The following CAMTA1 variants were observed in gnomAD, a reference collection of about 807,000 sequenced individuals.
CAMTA1 encodes calmodulin-binding transcription activator 1.
In CAMTA1, 27 loss-of-function variants were observed where a neutral mutation model predicts 170.9. The observed-to-expected ratio is 0.16, with a 90% confidence interval of 0.12 to 0.22. The LOEUF is 0.22. Ranked by LOEUF, CAMTA1 falls within the 10% of genes least tolerant of loss-of-function variation. The probability of loss-of-function intolerance (pLI) is 1.00; values close to 1 mark genes in which losing one functional copy is unlikely to be tolerated. For missense variants in CAMTA1, 1,619 were observed against 2,217.2 expected (o/e 0.73, Z 5.42); for synonymous variants, 833 against 891.5 (o/e 0.93, Z 1.17).
rs535227897 is a variant in CAMTA1 at position 7,673,232 on chromosome 1, C to T, written c.2779+2195C>T. Reference sequence around the variant, plus strand: ...AGAAAGGCTGGGCTTTGTGTGGCCCCGGGGCTGGAGTCAGCCACACTCGGG... The same window carrying T: ...AGAAAGGCTGGGCTTTGTGTGGCCCTGGGGCTGGAGTCAGCCACACTCGGG... On this transcript the variant is annotated intron_variant, in intron 10 of 22. Transcript: ENST00000303635. The surrounding 1 kb of genome is among the most constrained non-coding windows in gnomAD (Gnocchi z 4.6). Among the ~76,000 whole-genome samples the T allele has an allele frequency of 4.6e-5, 7 of 152,318 alleles. No individual in the cohort carries two copies. In the South Asian group the frequency reaches 1.0e-3, roughly 23 times the overall value.
At chr1:6,830,322 G>C (rs1649331081) in intron 3 of CAMTA1, among the ~76,000 whole-genome samples, 1 of 150,536 alleles carries the variant, frequency 6.6e-6, no homozygotes, top group African/African-American at 2.4e-5. Context: ...AGGATTACAG[G>C]GGTGAGCCAC....
At chr1:7,416,901 T>C (rs2091215424) in intron 5 of CAMTA1, among the ~76,000 whole-genome samples, 1 of 152,234 alleles carries the variant, frequency 6.6e-6, no homozygotes, top group Non-Finnish European at 1.5e-5. Flanking sequence ...TATCTACTTT[T>C]GGTCTTTGAT....
intron 22 of CAMTA1, among the ~76,000 whole-genome samples, chr1:7,758,935 A>AG (rs2096954065): frequency 7.5e-4 from 1 of 1,340 alleles, no homozygotes; most frequent in Admixed American, 9.1e-3. Context: ...ACTCTGTCTC[A>AG]AAAAAAAAAA....
chr1:7,128,504 G>T (rs978361737), intron 4 of CAMTA1, among the ~76,000 whole-genome samples: 2 of 152,234 alleles, frequency 1.3e-5, no homozygotes, highest in Non-Finnish European at 2.9e-5. Context: ...AACAGAAACA[G>T]GGTTGAGTGG....
intron 3 of CAMTA1, among the ~76,000 whole-genome samples, chr1:7,017,746 GC>G (rs1700757947): frequency 6.6e-6 from 1 of 152,194 alleles, no homozygotes; most frequent in African/African-American, 2.4e-5. Flanking sequence ...ATGACCAAGT[GC>G]CCCAGAAACA....
intron 3 of CAMTA1, among the ~76,000 whole-genome samples, chr1:6,963,714 T>C (rs1690976542): frequency 6.6e-6 from 1 of 151,964 alleles, no homozygotes; most frequent in Middle Eastern, 3.4e-3. Flanking sequence ...CTGACCTGGC[T>C]GGGGGGGCGC....
chr1:6,815,789 G>A (rs764653306), intron 1 of CAMTA1, among the ~76,000 whole-genome samples: 1 of 152,116 alleles, frequency 6.6e-6, no homozygotes, highest in African/African-American at 2.4e-5. Flanking sequence ...GCATCACCTG[G>A]GGGCTTGTTA....
chr1:7,188,972 G>GT (rs1435864356), intron 4 of CAMTA1, among the ~76,000 whole-genome samples: 2 of 152,126 alleles, frequency 1.3e-5, no homozygotes, highest in Non-Finnish European at 2.9e-5. Context: ...ACCAACTCTT[G>GT]TTTTTTGTTT....
At chr1:7,264,787 C>T (rs1668662677) in intron 5 of CAMTA1, among the ~76,000 whole-genome samples, 1 of 152,142 alleles carries the variant, frequency 6.6e-6, no homozygotes, top group African/African-American at 2.4e-5. Flanking sequence ...GACTTCAGTT[C>T]AGTGTAATTT....
chr1:7,174,676 A>G, intron 4 of CAMTA1, among the ~76,000 whole-genome samples: 1 of 152,234 alleles, frequency 6.6e-6, no homozygotes, highest in Middle Eastern at 3.2e-3. Context: ...AGTTCTGCAG[A>G]GCTCAGCTTC....
intron 3 of CAMTA1, among the ~76,000 whole-genome samples, chr1:6,941,036 A>G (rs531443302): frequency 5.8e-5 from 8 of 138,554 alleles, no homozygotes; most frequent in African/African-American, 1.9e-4. Context: ...AGGGACCCTC[A>G]CAGGTAGGCA....
At chr1:7,347,823 G>A (rs983884612) in intron 5 of CAMTA1, among the ~76,000 whole-genome samples, 2 of 152,018 alleles carry the variant, frequency 1.3e-5, no homozygotes, top group African/African-American at 4.8e-5. Context: ...GCCCTTTTCC[G>A]CCTCTCCTAA....
chr1:7,647,134 G>T (rs953651368), intron 7 of CAMTA1, among the ~76,000 whole-genome samples: 3 of 152,168 alleles, frequency 2.0e-5, no homozygotes, highest in African/African-American at 7.2e-5. Flanking sequence ...GGGAGAGGTC[G>T]CAGAGCCCAG....
chr1:7,013,877 A>G (rs551253288), intron 3 of CAMTA1, among the ~76,000 whole-genome samples: 34 of 151,620 alleles, frequency 2.2e-4, no homozygotes, highest in Admixed American at 1.1e-3. Flanking sequence ...CTTCCTTGTG[A>G]CTCCTCTTCT....
chr1:7,344,595 C>T (rs186648399), intron 5 of CAMTA1, among the ~76,000 whole-genome samples: 8 of 151,992 alleles, frequency 5.3e-5, no homozygotes, highest in South Asian at 2.1e-4. Context: ...CCACCCTCTG[C>T]GCATGAGGTC....
chr1:6,883,360 G>A (rs1002238791), intron 3 of CAMTA1, among the ~76,000 whole-genome samples: 1 of 152,082 alleles, frequency 6.6e-6, no homozygotes, highest in Admixed American at 6.5e-5. Context: ...AGTTCCAGGT[G>A]GTTCAAGCAA....
intron 11 of CAMTA1, among the ~76,000 whole-genome samples, chr1:7,719,941 G>C (rs2096638164): frequency 2.0e-5 from 3 of 152,230 alleles, no homozygotes; most frequent in Non-Finnish European, 1.5e-5. Context: ...GGCAGTGGGA[G>C]AGCACATGTG....
chr1:7,078,171 T>C (rs1470511437), intron 3 of CAMTA1, among the ~76,000 whole-genome samples: 2 of 152,240 alleles, frequency 1.3e-5, no homozygotes, highest in Non-Finnish European at 2.9e-5. Flanking sequence ...TGGCTGTCAG[T>C]GACACTTTCT....
chr1:7,654,934 AAG>A (rs2095874291), intron 7 of CAMTA1, among the ~76,000 whole-genome samples: 2 of 146,326 alleles, frequency 1.4e-5, no homozygotes, highest in African/African-American at 2.6e-5. Flanking sequence ...ATACACACAC[AAG>A]CACACACCTA....
Sources: gnomAD v4.1 joint callset for allele counts (sites outside exome capture counted in the v4.1 genomes callset) on GRCh38, gnomAD v4.1.1 for gene constraint, Gnocchi (gnomAD v3.1) non-coding constraint, MANE v1.5 for transcripts, NCBI Gene and HGNC (gene_info 2026-07-23, HGNC 2026-07-21) for gene names.